The following CLCC1 variants were observed in gnomAD, a reference collection of about 807,000 sequenced individuals.
CLCC1 encodes the protein chloride channel CLIC like 1, also known as chloride channel CLIC-like protein 1.
A neutral mutation model predicts 63.3 loss-of-function variants in CLCC1; 39 were observed. The observed-to-expected ratio is 0.62, with a 90% confidence interval of 0.48 to 0.81. CLCC1 has a LOEUF of 0.81. Among genes scored for constraint, CLCC1 ranks in the 30% least tolerant of loss-of-function variants. The pLI, the probability that CLCC1 is intolerant of heterozygous loss-of-function variation, is 0.00. For synonymous variants in CLCC1, 217 were observed against 239.8 expected (o/e 0.90, Z 0.88); for missense variants, 549 against 669.4 (o/e 0.82, Z 1.98).
chr1:108,934,910 C>T lies in CLCC1; in HGVS notation c.1416G>A (p.Lys472=). 6.2e-7 allele frequency: 1 copy of T among 1,613,482 alleles called. No individual in the cohort carries two copies. Among genetic ancestry groups the T allele is most frequent in the Non-Finnish European group, 8.5e-7 (1 of 1,179,506 alleles). Residue 472 remains lysine (K), a synonymous_variant, in exon 12 of 13, where the codon AAG becomes AAA. Transcript: ENST00000369969. ...CTTCCCCCAGGATTCCACCTGTCTC[C>T]TTGGGCTTTGTATCCAAAACAGGTG... ...HKSPVLDTKP[K]ETGGILGEGT... is the part of the protein sequence containing the mutation.
At position 108,937,065 on chromosome 1, in the gene CLCC1, T is replaced by G; in HGVS notation, c.1383+12A>C. ...ATGAAGGGACAGCAGAATAAAAGAG[T>G]TGCTGACTTACACTGGGTACCACCG... On this transcript the variant is annotated intron_variant, in intron 11 of 12. Coordinates refer to ENST00000369969, the MANE Select transcript of CLCC1 (RefSeq NM_001377458.1). 1 of 1,463,494 alleles carries G rather than the reference T, an allele frequency of 6.8e-7. No homozygotes were observed. The highest frequency in any genetic ancestry group is 9.0e-7 in the Non-Finnish European group (1 of 1,105,132). 90.7% of individuals were successfully genotyped at this position (1,463,494 alleles called of 1,614,324 possible). A position where few individuals can be genotyped will look rare whatever the true frequency, so the allele number is the denominator to read the frequency against.
intron 1 of CLCC1, among the ~76,000 whole-genome samples, chr1:108,962,765 G>A (rs559374553): frequency 6.6e-6 from 1 of 152,084 alleles, no homozygotes; most frequent in South Asian, 2.1e-4. Context: ...CATCTACTCA[G>A]GTGGCTGAGG....
At chr1:108,935,943 G>C (rs777256287) in intron 11 of CLCC1, among the ~76,000 whole-genome samples, 2 of 152,092 alleles carry the variant, frequency 1.3e-5, no homozygotes, top group Admixed American at 1.3e-4. Context: ...TAGTGGATGT[G>C]GGGGAAGGGG....
chr1:108,941,582 G>T (rs1400898875), intron 7 of CLCC1, 84 bp from the exon 8 acceptor site: 9 of 878,286 alleles, frequency 1.0e-5, no homozygotes, highest in Non-Finnish European at 1.6e-5. Flanking sequence ...CATTCAAAGA[G>T]TGTCTTTACC....
In CLCC1 at chr1:108,939,540, A is replaced by C. The variant is rs983604327; in HGVS notation, c.1041+96T>G. On this transcript the variant is annotated intron_variant, in intron 10 of 12. Transcript: ENST00000369969. ...TAGCCAGGATGGTCTCGATCTCCTGACCTCGTGATCCGCCCGCCTAGGCCT... is the reference window on the plus strand; with the variant it reads ...TAGCCAGGATGGTCTCGATCTCCTGCCCTCGTGATCCGCCCGCCTAGGCCT... The C allele has an allele frequency of 2.0e-5, 21 of 1,033,804 alleles. No individual in the cohort carries two copies. In the African/African-American group the frequency reaches 3.0e-4, roughly 15 times the overall value. 64.0% of individuals were successfully genotyped at this position (1,033,804 alleles called of 1,614,324 possible).
intron 2 of CLCC1, among the ~76,000 whole-genome samples, chr1:108,958,276 T>A (rs1656169257): frequency 6.6e-6 from 1 of 151,488 alleles, no homozygotes; most frequent in South Asian, 2.1e-4. Context: ...TCTGAAAATA[T>A]TAAATGGAAA....
chr1:108,951,858 C>T (rs1571065484), intron 2 of CLCC1, among the ~76,000 whole-genome samples: 1 of 151,456 alleles, frequency 6.6e-6, no homozygotes, highest in African/African-American at 2.4e-5. Flanking sequence ...CAGACTCAAC[C>T]TCCCAGACTC....
chr1:108,957,463 G>A (rs1033989526), intron 2 of CLCC1, among the ~76,000 whole-genome samples: 1 of 151,418 alleles, frequency 6.6e-6, no homozygotes, highest in Non-Finnish European at 1.5e-5. Flanking sequence ...CACCTGGAAG[G>A]CCACCCACTA....
chr1:108,934,513 T>C, intron 12 of CLCC1, 112 bp downstream of exon 12: 1 of 786,052 alleles, frequency 1.3e-6, no homozygotes. Flanking sequence ...TTAATTCTAA[T>C]TGTCAGTAAA....
At chr1:108,952,220 C>T (rs1655276732) in intron 2 of CLCC1, among the ~76,000 whole-genome samples, 1 of 103,302 alleles carries the variant, frequency 9.7e-6, no homozygotes, top group African/African-American at 3.0e-5. Flanking sequence ...CTCTTTTTGC[C>T]CAGGCTAGAG....
chr1:108,942,230 T>A (rs1013397771), intron 7 of CLCC1, among the ~76,000 whole-genome samples: 4 of 152,134 alleles, frequency 2.6e-5, no homozygotes, highest in Non-Finnish European at 5.9e-5. Flanking sequence ...AGAGTGAGAC[T>A]GTCTCAAAAA....
chr1:108,949,525 G>C (rs913154198), intron 4 of CLCC1, among the ~76,000 whole-genome samples: 3 of 152,140 alleles, frequency 2.0e-5, no homozygotes, highest in Non-Finnish European at 4.4e-5. Flanking sequence ...AGGTGACAGA[G>C]AATTAAGATC....
intron 11 of CLCC1, among the ~76,000 whole-genome samples, chr1:108,936,541 C>T (rs1375722749): frequency 6.6e-6 from 1 of 152,182 alleles, no homozygotes; most frequent in Non-Finnish European, 1.5e-5. Flanking sequence ...ATACAAATTC[C>T]TCTCTCAAAC....
At position 108,934,823 on chromosome 1, in the gene CLCC1, G is replaced by A; in HGVS notation, c.1503C>T (p.Asp501=). 2.5e-6 allele frequency: 4 copies of A among 1,614,192 alleles called. No individual in the cohort carries two copies. The highest frequency in any genetic ancestry group is 3.4e-6 in the Non-Finnish European group (4 of 1,180,042). The part of the protein sequence containing the change: ...SQSAKPVSGQ[D]TSGNTEGSPA... ...GTGAACCTTCTGTATTCCCTGATGT[G>A]TCTTGGCCAGAGACAGGCTTGGCCG... Residue 501 remains aspartate, a synonymous_variant, in exon 12 of 13, where the codon GAC becomes GAT. Coordinates refer to ENST00000369969, the MANE Select transcript of CLCC1 (RefSeq NM_001377458.1).
At chr1:108,952,427 TC>T (rs1483395605) in intron 2 of CLCC1, among the ~76,000 whole-genome samples, 3 of 151,916 alleles carry the variant, frequency 2.0e-5, no homozygotes, top group Non-Finnish European at 4.4e-5. Context: ...CACCTTGGCC[TC>T]CCAAAGTACT....
Position 108,931,255 on chromosome 1 carries a change from A to G in CLCC1, c.*1292T>C. ...TGAAAACTCACAAAAATTAAATATG[A>G]AAGAAAGATGTCAGCTAGAACCTTA... On this transcript the variant is annotated 3_prime_UTR_variant, in exon 13 of 13. Transcript: ENST00000369969. 6.9e-7 allele frequency: 1 copy of G among 1,442,830 alleles called. No individual in the cohort carries two copies. Among genetic ancestry groups the G allele is most frequent in the Non-Finnish European group, 9.2e-7 (1 of 1,089,410 alleles). 89.4% of individuals were successfully genotyped at this position (1,442,830 alleles called of 1,614,324 possible).
At chr1:108,933,978 G>A (rs937514370) in intron 12 of CLCC1, 1 of 152,190 alleles carries the variant, frequency 6.6e-6, no homozygotes, top group Non-Finnish European at 1.5e-5. Context: ...CACTTCAATT[G>A]GTGGGGGAAA....
At chr1:108,939,269 AATAT>A (rs1003195826) in intron 10 of CLCC1, among the ~76,000 whole-genome samples, 2 of 145,174 alleles carry the variant, frequency 1.4e-5, no homozygotes, top group Admixed American at 6.9e-5. Context: ...TATAAATATA[AATAT>A]ATATAGATAG....
At chr1:108,951,388 A>AAAC (rs1006390799) in intron 2 of CLCC1, among the ~76,000 whole-genome samples, 1 of 152,204 alleles carries the variant, frequency 6.6e-6, no homozygotes, top group African/African-American at 2.4e-5. Context: ...ATCACAGAAA[A>AAAC]AACAACAACA....
Sources: allele counts gnomAD v4.1 joint callset (sites outside exome capture counted in the v4.1 genomes callset), GRCh38; gene constraint gnomAD v4.1.1; transcripts MANE v1.5; gene names NCBI Gene and HGNC (gene_info 2026-07-23, HGNC 2026-07-21).